The following COX10 variants were observed in gnomAD, a reference collection of about 807,000 sequenced individuals.
The protein encoded by COX10 is protoheme IX farnesyltransferase, mitochondrial.
Under a neutral mutation model 37.3 loss-of-function variants are expected in COX10, and 27 were observed. That is an observed-to-expected ratio of 0.72 (90% CI 0.53 to 1.00). The LOEUF is 1.00. Ranked by LOEUF, COX10 falls within the 50% of genes least tolerant of loss-of-function variation. The pLI, the probability that COX10 is intolerant of heterozygous loss-of-function variation, is 0.00. For missense variants in COX10, 475 were observed against 563.2 expected (o/e 0.84, Z 1.59); for synonymous variants, 222 against 229.1 (o/e 0.97, Z 0.28).
chr17:14,075,082 A>T (rs144778267), intron 2 of COX10, among the ~76,000 whole-genome samples: 14 of 152,328 alleles, frequency 9.2e-5, no homozygotes, highest in African/African-American at 3.4e-4. Context: ...CTGAAAACTC[A>T]TAGTGCCAGC....
intron 3 of COX10, among the ~76,000 whole-genome samples, chr17:14,088,006 T>G (rs575708105): frequency 3.9e-5 from 6 of 152,136 alleles, no homozygotes; most frequent in Admixed American, 2.0e-4. Flanking sequence ...AGCTGTGATA[T>G]AGCTGCCTCT....
At chr17:14,076,680 C>A in intron 2 of COX10, 55 bp from the exon 3 acceptor site, 1 of 1,544,474 alleles carries the variant, frequency 6.5e-7, no homozygotes, top group East Asian at 2.3e-5. Flanking sequence ...GCTAAATAAC[C>A]ATTTGAGAGC....
intron 4 of COX10, among the ~76,000 whole-genome samples, chr17:14,112,563 A>T (rs1916026271): frequency 6.6e-6 from 1 of 152,190 alleles, no homozygotes; most frequent in Non-Finnish European, 1.5e-5. Context: ...ATGAATAAAT[A>T]AGTGCAATAA....
intron 3 of COX10, among the ~76,000 whole-genome samples, chr17:14,097,358 T>C (rs561918145): frequency 1.9e-4 from 29 of 152,164 alleles, no homozygotes; most frequent in African/African-American, 6.5e-4. Context: ...TCAAATTTCC[T>C]TCTCTCTAGT....
intron 4 of COX10, among the ~76,000 whole-genome samples, chr17:14,115,246 A>G (rs186011711): frequency 4.8e-4 from 73 of 152,324 alleles, no homozygotes; most frequent in African/African-American, 1.7e-3. Flanking sequence ...CGATGTACAG[A>G]GGAAGATGGT....
intron 3 of COX10, among the ~76,000 whole-genome samples, chr17:14,100,071 C>A (rs1394837934): frequency 6.6e-6 from 1 of 152,042 alleles, no homozygotes; most frequent in Non-Finnish European, 1.5e-5. Context: ...TTTTTACAAC[C>A]CTTATTCACA....
Position 14,117,943 on chromosome 17 carries a change from G to T in COX10, c.624+15701G>T, listed in dbSNP as rs376957175. Among the ~76,000 whole-genome samples the T allele has an allele frequency of 8.5e-5, 13 of 152,088 alleles. No individual in the cohort carries two copies. In the East Asian group the frequency reaches 1.4e-3, roughly 16 times the overall value. ...TGAGATGGATGGGGAGCCAGAAGGG[G>T]GATGGAATGGGAAGGTGGTCGTCTC... On this transcript the variant is annotated intron_variant, in intron 4 of 6. Transcript: ENST00000261643.
Position 14,188,785 on chromosome 17 carries a change from A to G in COX10, c.696-3204A>G, listed in dbSNP as rs1367210058. Among the ~76,000 whole-genome samples the G allele has an allele frequency of 3.3e-5, 5 of 152,146 alleles. No individual in the cohort carries two copies. The South Asian group carries it at 6.2e-4, about 19-fold the overall frequency. ...GATGAGAGGAATGAGCAGGAGCATT[A>G]TTGTGGTGGAGAAGAACTCTCTGGG... On this transcript the variant is annotated intron_variant, in intron 5 of 6. Coordinates refer to ENST00000261643, the MANE Select transcript of COX10 (RefSeq NM_001303.4).
At chr17:14,197,742 C>T (rs1305287392) in intron 6 of COX10, among the ~76,000 whole-genome samples, 1 of 152,248 alleles carries the variant, frequency 6.6e-6, no homozygotes, top group Non-Finnish European at 1.5e-5. Context: ...CAGTCCAGTG[C>T]TTGCTACAGA....
chr17:14,126,659 G>A (rs1916347540), intron 4 of COX10, among the ~76,000 whole-genome samples: 1 of 151,984 alleles, frequency 6.6e-6, no homozygotes, highest in African/African-American at 2.4e-5. Context: ...TTCATCTTTT[G>A]TTCAGCTCCT....
chr17:14,089,943 C>G (rs1283357821), intron 3 of COX10, among the ~76,000 whole-genome samples: 1 of 152,124 alleles, frequency 6.6e-6, no homozygotes, highest in Non-Finnish European at 1.5e-5. Flanking sequence ...CCATTACTCA[C>G]AAGAATATGT....
intron 5 of COX10, among the ~76,000 whole-genome samples, chr17:14,162,622 C>CTTT (rs57058201): frequency 1.4e-5 from 2 of 145,272 alleles, no homozygotes; most frequent in South Asian, 2.2e-4. Context: ...ACTATCCCTG[C>CTTT]TTTTTTTTTT....
At chr17:14,090,094 G>T (rs780652932) in intron 3 of COX10, among the ~76,000 whole-genome samples, 1 of 151,740 alleles carries the variant, frequency 6.6e-6, no homozygotes, top group Non-Finnish European at 1.5e-5. Context: ...CTGACACCTG[G>T]GGTCCTCTTA....
At chr17:14,098,991 A>G (rs988962189) in intron 3 of COX10, among the ~76,000 whole-genome samples, 1 of 152,108 alleles carries the variant, frequency 6.6e-6, no homozygotes, top group African/African-American at 2.4e-5. Flanking sequence ...TTTCTGGCCT[A>G]GACTCCCCAC....
chr17:14,116,256 A>G (rs1213725802), intron 4 of COX10, among the ~76,000 whole-genome samples: 2 of 152,142 alleles, frequency 1.3e-5, no homozygotes, highest in Non-Finnish European at 2.9e-5. Flanking sequence ...ATCTGAAAAT[A>G]TTAAACGGAA....
intron 4 of COX10, among the ~76,000 whole-genome samples, chr17:14,141,529 CAA>C (rs71147842): frequency 0.041 from 2,761 of 67,614 alleles, 20 homozygotes; most frequent in East Asian, 0.07. Context: ...GTCCCTGTCT[CAA>C]AAAAAAAAAA....
chr17:14,125,676 C>T (rs1039503274), intron 4 of COX10, among the ~76,000 whole-genome samples: 1 of 152,076 alleles, frequency 6.6e-6, no homozygotes, highest in African/African-American at 2.4e-5. Flanking sequence ...GGCTAATGTT[C>T]TGGGTAGTAG....
intron 3 of COX10, among the ~76,000 whole-genome samples, chr17:14,101,145 C>T (rs148761664): frequency 6.6e-6 from 1 of 152,230 alleles, no homozygotes; most frequent in East Asian, 1.9e-4. Context: ...CGGGATATAG[C>T]GAGTGACAAA....
intron 5 of COX10, among the ~76,000 whole-genome samples, chr17:14,170,016 G>A (rs1213853761): frequency 1.3e-5 from 2 of 152,224 alleles, no homozygotes; most frequent in East Asian, 1.9e-4. Flanking sequence ...ATGGCCTCAG[G>A]TTTTCCCATT....
Sources: allele counts gnomAD v4.1 joint callset (sites outside exome capture counted in the v4.1 genomes callset), GRCh38; gene constraint gnomAD v4.1.1; transcripts MANE v1.5; gene names NCBI Gene and HGNC (gene_info 2026-07-23, HGNC 2026-07-21).